Variants in JMJD1C observed in about 807,000 individuals in gnomAD.
The protein encoded by JMJD1C is jumonji domain containing 1C, also known as jumonji domain-containing protein 1C.
A neutral mutation model predicts 245.3 loss-of-function variants in JMJD1C; 31 were observed. The ratio of observed to expected loss-of-function variants is 0.13; its 90% CI spans 0.09 to 0.17. JMJD1C has a LOEUF of 0.17. Ranked by LOEUF, JMJD1C falls within the 10% of genes least tolerant of loss-of-function variation. The pLI, the probability that JMJD1C is intolerant of heterozygous loss-of-function variation, is 1.00. For synonymous variants in JMJD1C, 1,057 were observed against 1,017.4 expected, an observed-to-expected ratio of 1.04 and a Z score of -0.74; for missense variants, 2,691 against 3,000.2, an observed-to-expected ratio of 0.90 and a Z score of 2.41.
intron 1 of JMJD1C, among the ~76,000 whole-genome samples, chr10:63,499,919 A>C (rs1954488703): frequency 6.6e-6 from 1 of 152,214 alleles, no homozygotes; most frequent in Non-Finnish European, 1.5e-5. Context: ...TGATATTTAT[A>C]AATCATTTTT....
chr10:63,273,113 T>C (rs1347581201), intron 2 of JMJD1C, among the ~76,000 whole-genome samples: 1 of 152,234 alleles, frequency 6.6e-6, no homozygotes, highest in Non-Finnish European at 1.5e-5. Flanking sequence ...AAAAATACTA[T>C]AGAATCAATT....
intron 2 of JMJD1C, among the ~76,000 whole-genome samples, chr10:63,341,823 C>T (rs559554884): frequency 1.2e-3 from 178 of 152,254 alleles, no homozygotes; most frequent in African/African-American, 4.0e-3. Context: ...CGTTCTTGAA[C>T]GACATGCTAA....
chr10:63,377,606 G>A (rs1946851756), intron 2 of JMJD1C, among the ~76,000 whole-genome samples: 1 of 152,038 alleles, frequency 6.6e-6, no homozygotes, highest in African/African-American at 2.4e-5. Flanking sequence ...ATGATGGCAG[G>A]CACCTGTAGT....
intron 1 of JMJD1C, 38 bp from the exon 2 acceptor site, chr10:63,380,520 A>C: frequency 1.3e-6 from 2 of 1,533,118 alleles, no homozygotes; most frequent in Non-Finnish European, 1.8e-6. Flanking sequence ...TTAGCAAAAT[A>C]GAAGAGTGGT....
intron 2 of JMJD1C, among the ~76,000 whole-genome samples, chr10:63,301,529 G>T (rs1860074644): frequency 6.6e-6 from 1 of 152,058 alleles, no homozygotes; most frequent in African/African-American, 2.4e-5. Flanking sequence ...AAAACAAATG[G>T]CTAATCATTC....
At chr10:63,236,759 AC>A (rs768694014) in intron 3 of JMJD1C, among the ~76,000 whole-genome samples, 22 of 152,196 alleles carry the variant, frequency 1.4e-4, no homozygotes, top group Non-Finnish European at 2.6e-4. Context: ...GAGGTCAACA[AC>A]AAAAAAGAAG....
chr10:63,416,631 T>C (rs190440986), intron 1 of JMJD1C, among the ~76,000 whole-genome samples: 167 of 152,306 alleles, frequency 1.1e-3, no homozygotes, highest in Admixed American at 2.9e-3. Flanking sequence ...AACCAATCAA[T>C]GGAATTATAC....
intron 1 of JMJD1C, among the ~76,000 whole-genome samples, chr10:63,489,028 T>A (rs1954084542): frequency 6.6e-6 from 1 of 152,228 alleles, no homozygotes. Context: ...TGGCATTACA[T>A]CCTAGCAAAA....
At chr10:63,476,130 A>C (rs545352381) in intron 1 of JMJD1C, among the ~76,000 whole-genome samples, 83 of 151,988 alleles carry the variant, frequency 5.5e-4, no homozygotes, top group Admixed American at 3.3e-3. Flanking sequence ...GAATTCCTTG[A>C]GCCTGGGAGG....
intron 3 of JMJD1C, among the ~76,000 whole-genome samples, chr10:63,235,331 C>T (rs148196293): frequency 6.6e-6 from 1 of 151,852 alleles, no homozygotes; most frequent in East Asian, 1.9e-4. Context: ...CCCCATCGCT[C>T]CTAAAAATAC....
chr10:63,372,188 T>C (rs749842671), intron 2 of JMJD1C, among the ~76,000 whole-genome samples: 3 of 152,170 alleles, frequency 2.0e-5, no homozygotes, highest in Non-Finnish European at 4.4e-5. Context: ...ATAAATAAAT[T>C]GCTAAGAGTT....
intron 2 of JMJD1C, among the ~76,000 whole-genome samples, chr10:63,309,859 G>A (rs1004861946): frequency 2.6e-5 from 4 of 152,258 alleles, no homozygotes; most frequent in Admixed American, 6.5e-5. Context: ...GGAGGTTGCC[G>A]TGAGCCAAGA....
chr10:63,240,113 G>C (rs1412823568), intron 3 of JMJD1C, among the ~76,000 whole-genome samples: 1 of 152,160 alleles, frequency 6.6e-6, no homozygotes, highest in African/African-American at 2.4e-5. Context: ...GCCTGGCACA[G>C]AGAAGATGCT....
rs1024505791 is a variant in JMJD1C at position 63,196,778 on chromosome 10, C to T, written c.5644+633G>A. The stretch of plus-strand genomic sequence containing the variant: ...TCCAAAATTGCCTTGGATAATCTTT[C>T]TAAAACACTTTTGATTCATTTAATT... On this transcript the variant is annotated intron_variant, in intron 13 of 25. Coordinates refer to ENST00000399262, the MANE Select transcript of JMJD1C (RefSeq NM_032776.3). Among the ~76,000 whole-genome samples, 6 of 152,104 alleles carry T rather than the reference C, an allele frequency of 3.9e-5. No homozygotes were observed. In the East Asian group the frequency reaches 1.2e-3, roughly 29 times the overall value.
chr10:63,480,198 G>C (rs1564961147), intron 1 of JMJD1C, among the ~76,000 whole-genome samples: 1 of 151,944 alleles, frequency 6.6e-6, no homozygotes, highest in Non-Finnish European at 1.5e-5. Context: ...TGTTGGAAAG[G>C]GTCCCATTTC....
intron 3 of JMJD1C, among the ~76,000 whole-genome samples, chr10:63,248,656 G>A (rs548382549): frequency 6.6e-6 from 1 of 152,240 alleles, no homozygotes; most frequent in African/African-American, 2.4e-5. Flanking sequence ...TAGCGTTATT[G>A]TGAAAAACAA....
intron 5 of JMJD1C, among the ~76,000 whole-genome samples, chr10:63,216,535 C>G (rs540585992): frequency 5.3e-5 from 8 of 151,938 alleles, no homozygotes; most frequent in African/African-American, 1.9e-4. Flanking sequence ...ATGGCGAAAC[C>G]CCGTATCTAC....
rs1564608750 is a variant in JMJD1C at position 63,208,054 on chromosome 10, T to C, written c.3615A>G (p.Arg1205=). The change falls in exon 10 of 26, where the codon AGA becomes AGG. Residue 1205 remains arginine (R), a synonymous_variant. Transcript: ENST00000399262. ...NTLRSMPALH[R]APVFHPPIHH... ...GGATTGGTGGGTGAAATACTGGTGC[T>C]CTATGTAATGCAGGCATACTGCGGA... The C allele has an allele frequency of 6.2e-7, 1 of 1,614,162 alleles. No individual in the cohort carries two copies. Among genetic ancestry groups the C allele is most frequent in the Non-Finnish European group, 8.5e-7 (1 of 1,180,012 alleles).
chr10:63,295,435 C>A (rs761265781), intron 2 of JMJD1C, among the ~76,000 whole-genome samples: 2 of 152,032 alleles, frequency 1.3e-5, no homozygotes, highest in African/African-American at 2.4e-5. Context: ...TAAGTATTAA[C>A]TGAAAATGTT....
Sources: gnomAD v4.1 joint callset for allele counts (sites outside exome capture counted in the v4.1 genomes callset) on GRCh38, gnomAD v4.1.1 for gene constraint, MANE v1.5 for transcripts, NCBI Gene and HGNC (gene_info 2026-07-23, HGNC 2026-07-21) for gene names.